Variants in MMP16 observed in about 807,000 individuals in gnomAD.
The protein encoded by MMP16 is matrix metallopeptidase 16, also known as matrix metalloproteinase-16.
A neutral mutation model predicts 67.8 loss-of-function variants in MMP16; 12 were observed. The observed-to-expected ratio is 0.18, with a 90% CI of 0.11 to 0.29. The LOEUF is 0.29. Ranked by LOEUF, MMP16 falls within the 10% of genes least tolerant of loss-of-function variation. The probability of loss-of-function intolerance (pLI) is 1.00; values close to 1 mark genes in which losing one functional copy is unlikely to be tolerated. For missense variants in MMP16, 475 were observed against 765.7 expected (o/e 0.62, Z 4.48); for synonymous variants, 249 against 255.9 (o/e 0.97, Z 0.26).
rs1023687659 is a variant in MMP16, at chr8:88,221,918, G to C, written c.133-24612C>G. 3.3e-5 allele frequency among the ~76,000 whole-genome samples: 5 copies of C among 152,120 alleles called. No homozygotes were observed. In the East Asian group the frequency reaches 7.7e-4, roughly 24 times the overall value. ...ATAAATACAAATCAGTTCATGAATT[G>C]TCTTCCATCAAGGCTGTGGGAGGTT... On this transcript the variant is annotated intron_variant, in intron 1 of 9. Coordinates refer to ENST00000286614, the MANE Select transcript of MMP16 (RefSeq NM_005941.5).
chr8:88,253,592 T>A (rs941302973), intron 1 of MMP16, among the ~76,000 whole-genome samples: 1 of 152,120 alleles, frequency 6.6e-6, no homozygotes, highest in Non-Finnish European at 1.5e-5. Context: ...ATCTGACTGA[T>A]GTGTTTCAAA....
intron 1 of MMP16, among the ~76,000 whole-genome samples, chr8:88,256,765 T>C (rs1256317801): frequency 6.6e-6 from 1 of 151,974 alleles, no homozygotes; most frequent in East Asian, 1.9e-4. Flanking sequence ...GGGTCCCTGG[T>C]TTATAACCCT....
chr8:88,160,169 T>G (rs1359905754), intron 4 of MMP16, among the ~76,000 whole-genome samples: 1 of 151,930 alleles, frequency 6.6e-6, no homozygotes, highest in Non-Finnish European at 1.5e-5. Context: ...CCCCTTCCTG[T>G]GTACATGTGT....
intron 1 of MMP16, among the ~76,000 whole-genome samples, chr8:88,298,390 T>C (rs554826757): frequency 2.0e-4 from 30 of 152,314 alleles, no homozygotes; most frequent in African/African-American, 7.0e-4. Context: ...CAGAGAATTA[T>C]AGGCCAATAA....
At chr8:88,308,624 T>G (rs1352424318) in intron 1 of MMP16, among the ~76,000 whole-genome samples, 4 of 151,774 alleles carry the variant, frequency 2.6e-5, no homozygotes, top group Non-Finnish European at 5.9e-5. Context: ...ATGGGTTAGA[T>G]TCCAGTTTCC....
chr8:88,299,436 G>A (rs1467946944), intron 1 of MMP16, among the ~76,000 whole-genome samples: 1 of 151,934 alleles, frequency 6.6e-6, no homozygotes, highest in Non-Finnish European at 1.5e-5. Context: ...AGGACCATAG[G>A]AGATAAAAAC....
intron 1 of MMP16, among the ~76,000 whole-genome samples, chr8:88,290,752 T>A (rs1320943173): frequency 6.6e-6 from 1 of 151,816 alleles, no homozygotes; most frequent in African/African-American, 2.4e-5. Flanking sequence ...AGAGACAAAA[T>A]CCCAAACTGG....
intron 1 of MMP16, among the ~76,000 whole-genome samples, chr8:88,228,382 C>T (rs2129865806): frequency 6.6e-6 from 1 of 152,086 alleles, no homozygotes; most frequent in African/African-American, 2.4e-5. Context: ...ATCACTGATA[C>T]TTTTTGAATA....
Position 88,327,284 on chromosome 8 carries a change from C to T in MMP16, c.-78G>A. On this transcript the variant is annotated 5_prime_UTR_variant, in exon 1 of 10. Coordinates refer to ENST00000286614, the MANE Select transcript of MMP16 (RefSeq NM_005941.5). ...TCCCTCTCCCTCCCTCCCTCGTTTC[C>T]TTTCAAAAAAAAGTCCTCCGGGTGG... is the stretch of plus-strand genomic sequence containing the variant. The T allele has an allele frequency of 6.3e-7, 1 of 1,591,116 alleles. No individual in the cohort carries two copies. The highest frequency in any genetic ancestry group is 8.6e-7 in the Non-Finnish European group (1 of 1,166,240).
At chr8:88,210,299 G>T (rs190013853) in intron 1 of MMP16, among the ~76,000 whole-genome samples, 1 of 152,236 alleles carries the variant, frequency 6.6e-6, no homozygotes, top group East Asian at 1.9e-4. Context: ...ATCACTACAT[G>T]GTTGCTTTGT....
chr8:88,055,168 G>C (rs1256433292), intron 8 of MMP16, among the ~76,000 whole-genome samples: 1 of 151,976 alleles, frequency 6.6e-6, no homozygotes, highest in Non-Finnish European at 1.5e-5. Context: ...GGCAGGGCTA[G>C]GGCTATATCT....
At chr8:88,183,498 T>C (rs929822895) in intron 3 of MMP16, among the ~76,000 whole-genome samples, 5 of 152,192 alleles carry the variant, frequency 3.3e-5, no homozygotes, top group Non-Finnish European at 5.9e-5. Flanking sequence ...CTGAGACTAA[T>C]GATAGTTTGT....
At chr8:88,088,004 T>A (rs1379927025) in intron 6 of MMP16, among the ~76,000 whole-genome samples, 2 of 142,216 alleles carry the variant, frequency 1.4e-5, no homozygotes, top group African/African-American at 5.5e-5. Flanking sequence ...TATCTCTATA[T>A]AAAAGAATGT....
At chr8:88,136,415 G>C (rs1265369682) in intron 4 of MMP16, among the ~76,000 whole-genome samples, 1 of 151,620 alleles carries the variant, frequency 6.6e-6, no homozygotes, top group Non-Finnish European at 1.5e-5. Flanking sequence ...CTATAAAACT[G>C]CACAAATCTT....
At chr8:88,284,155 A>G (rs973659592) in intron 1 of MMP16, among the ~76,000 whole-genome samples, 1 of 152,206 alleles carries the variant, frequency 6.6e-6, no homozygotes, top group Non-Finnish European at 1.5e-5. Context: ...GGCAACAGAC[A>G]TTGCTCTGTA....
At chr8:88,195,830 T>C (rs1809241121) in intron 2 of MMP16, among the ~76,000 whole-genome samples, 1 of 152,160 alleles carries the variant, frequency 6.6e-6, no homozygotes, top group East Asian at 1.9e-4. Context: ...GGGGAGGTAA[T>C]GTATTTATGT....
intron 7 of MMP16, among the ~76,000 whole-genome samples, chr8:88,063,152 G>C (rs1057040237): frequency 6.6e-6 from 1 of 152,100 alleles, no homozygotes; most frequent in Admixed American, 6.6e-5. Context: ...AATGTTTAGA[G>C]TTGGAGAGGA....
At chr8:88,263,825 G>A (rs754661292) in intron 1 of MMP16, among the ~76,000 whole-genome samples, 5 of 151,882 alleles carry the variant, frequency 3.3e-5, no homozygotes, top group Non-Finnish European at 7.4e-5. Context: ...CTTGACATAC[G>A]AATTTTGTAG....
At chr8:88,167,527 C>T in intron 4 of MMP16, 142 bp downstream of exon 4, 1 of 733,900 alleles carries the variant, frequency 1.4e-6, no homozygotes. Context: ...TCCTAAAATG[C>T]TATAAAATAT....
Sources: gnomAD v4.1 joint callset for allele counts (sites outside exome capture counted in the v4.1 genomes callset) on GRCh38, gnomAD v4.1.1 for gene constraint, MANE v1.5 for transcripts, NCBI Gene and HGNC (gene_info 2026-07-23, HGNC 2026-07-21) for gene names.